KCNQ5: variants seen among roughly 807,000 people sequenced by gnomAD.
KCNQ5 encodes the protein potassium voltage-gated channel subfamily Q member 5, also known as potassium voltage-gated channel subfamily KQT member 5.
KCNQ5 carries 30 observed loss-of-function variants against 98.2 expected under a neutral mutation model. The ratio of observed to expected loss-of-function variants is 0.31; its 90% CI spans 0.23 to 0.41. The LOEUF (loss-of-function observed/expected upper bound fraction) is 0.41, where lower values mean the gene tolerates loss of function less well. KCNQ5 is among the 10% of genes least tolerant of loss of function. The probability of loss-of-function intolerance (pLI) is 1.00; values close to 1 mark genes in which losing one functional copy is unlikely to be tolerated. For synonymous variants in KCNQ5, 458 were observed against 449.4 expected, an observed-to-expected ratio of 1.02 and a Z score of -0.24; for missense variants, 835 against 1,182.5, an observed-to-expected ratio of 0.71 and a Z score of 4.31.
intron 2 of KCNQ5, among the ~76,000 whole-genome samples, chr6:73,018,872 A>G (rs571683436): frequency 1.3e-5 from 2 of 152,280 alleles, no homozygotes; most frequent in African/African-American, 2.4e-5. Flanking sequence ...ACATTGGCCT[A>G]TCTGAATGCA....
chr6:73,011,246 A>G (rs938910265), intron 2 of KCNQ5, among the ~76,000 whole-genome samples: 2 of 152,104 alleles, frequency 1.3e-5, no homozygotes, highest in Non-Finnish European at 2.9e-5. Context: ...ACACTGAACT[A>G]TAAAATGATT....
At chr6:72,704,637 T>TAAAAA (rs75954842) in intron 1 of KCNQ5, among the ~76,000 whole-genome samples, 2 of 150,164 alleles carry the variant, frequency 1.3e-5, no homozygotes, top group Non-Finnish European at 3.0e-5. Flanking sequence ...TTATAAATGA[T>TAAAAA]AAAAAAAAAA....
At chr6:72,965,826 T>C (rs1767581041) in intron 1 of KCNQ5, among the ~76,000 whole-genome samples, 3 of 152,214 alleles carry the variant, frequency 2.0e-5, no homozygotes, top group Admixed American at 6.5e-5. Context: ...TAAAACAGAA[T>C]GGCCCACTTT....
rs571091094 is a variant in KCNQ5, at chr6:72,870,510, G to A, written c.399-133398G>A. Among the ~76,000 whole-genome samples the A allele has an allele frequency of 4.1e-3, 621 of 152,158 alleles. 2 individuals are homozygous for A. Among genetic ancestry groups the A allele is most frequent in the African/African-American group, 0.014 (570 of 41,514 alleles). On this transcript the variant is annotated intron_variant, in intron 1 of 13. Transcript: ENST00000370398. ...AAATGATCGGCCTGCCTCAGCCTCT[G>A]AAAGTGCTGGAATTACAAGTGTGAG... is the stretch of plus-strand genomic sequence containing the variant.
chr6:73,150,432 G>C (rs903452654), intron 10 of KCNQ5, among the ~76,000 whole-genome samples: 12 of 146,476 alleles, frequency 8.2e-5, no homozygotes, highest in Non-Finnish European at 1.8e-4. Flanking sequence ...ACAACCCAGA[G>C]TAATATTAAT....
At chr6:72,845,614 T>C (rs1211262532) in intron 1 of KCNQ5, among the ~76,000 whole-genome samples, 5 of 152,178 alleles carry the variant, frequency 3.3e-5, no homozygotes. Flanking sequence ...AAAATAACAG[T>C]CATCTAGCTC....
chr6:72,720,154 TCA>T (rs941425281), intron 1 of KCNQ5, among the ~76,000 whole-genome samples: 33 of 152,314 alleles, frequency 2.2e-4, no homozygotes, highest in African/African-American at 7.7e-4. Context: ...TGCTTTTGAG[TCA>T]CAGTGTATCA....
chr6:72,660,573 C>T (rs543271628), intron 1 of KCNQ5, among the ~76,000 whole-genome samples: 3 of 152,262 alleles, frequency 2.0e-5, no homozygotes, highest in South Asian at 2.1e-4. Flanking sequence ...CCAAATATTT[C>T]TCTTGACATT....
intron 1 of KCNQ5, among the ~76,000 whole-genome samples, chr6:72,961,124 G>C (rs1767323668): frequency 6.6e-6 from 1 of 152,174 alleles, no homozygotes; most frequent in Non-Finnish European, 1.5e-5. Context: ...ATTCTAAATG[G>C]TTAATAATTT....
intron 1 of KCNQ5, among the ~76,000 whole-genome samples, chr6:72,874,266 A>T (rs2150165928): frequency 6.6e-6 from 1 of 152,206 alleles, no homozygotes; most frequent in South Asian, 2.1e-4. Context: ...CTAATTAGAT[A>T]AGCTAGACAT....
At chr6:72,855,690 G>C (rs1165595504) in intron 1 of KCNQ5, among the ~76,000 whole-genome samples, 1 of 152,162 alleles carries the variant, frequency 6.6e-6, no homozygotes, top group East Asian at 1.9e-4. Context: ...GAAACCAAGG[G>C]CTTGGAAGTA....
chr6:73,166,526 A>AT (rs398001962), intron 10 of KCNQ5, among the ~76,000 whole-genome samples: 2 of 75,214 alleles, frequency 2.7e-5, no homozygotes, highest in African/African-American at 1.8e-4. Flanking sequence ...AAAAAAAAAA[A>AT]CTCTTATTAC....
In KCNQ5 at chr6:73,133,474, G is replaced by C. The variant is rs776146341; in HGVS notation, c.1301G>C (p.Ser434Thr). 1.9e-6 allele frequency: 3 copies of C among 1,614,168 alleles called. No individual in the cohort carries two copies. Among genetic ancestry groups the C allele is most frequent in the South Asian group, 2.2e-5 (2 of 91,084 alleles). ...CGCATGGCTAGCCCCAGGGGCCAGA[G>C]TATTAAGAGCCGACAAGCCTCAGTA... is the stretch of plus-strand genomic sequence containing the variant. ...RVRMASPRGQ[S>T]IKSRQASVGD... Residue 434 changes from serine to threonine, a missense_variant, in exon 10 of 14, where the codon AGT becomes ACT. Coordinates refer to ENST00000370398, the MANE Select transcript of KCNQ5 (RefSeq NM_019842.4).
At chr6:72,862,703 T>C (rs1214115053) in intron 1 of KCNQ5, among the ~76,000 whole-genome samples, 2 of 151,926 alleles carry the variant, frequency 1.3e-5, no homozygotes, top group African/African-American at 4.8e-5. Flanking sequence ...TATTGGCTCA[T>C]TGCAGCCTCA....
intron 1 of KCNQ5, among the ~76,000 whole-genome samples, chr6:72,927,419 T>C (rs1161201406): frequency 2.0e-5 from 3 of 152,256 alleles, no homozygotes; most frequent in Non-Finnish European, 1.5e-5. Flanking sequence ...TATTTTGTGA[T>C]GAATTGTTTT....
intron 1 of KCNQ5, among the ~76,000 whole-genome samples, chr6:72,837,975 T>A (rs913624691): frequency 5.3e-5 from 8 of 152,118 alleles, no homozygotes; most frequent in African/African-American, 1.4e-4. Context: ...TATTATACTT[T>A]AAGTTTTAGG....
At chr6:72,728,906 G>A (rs1040865807) in intron 1 of KCNQ5, among the ~76,000 whole-genome samples, 6 of 152,052 alleles carry the variant, frequency 3.9e-5, no homozygotes, top group Non-Finnish European at 8.8e-5. Context: ...TGCCTAGGTA[G>A]CATATTTTAA....
chr6:72,890,282 CT>C (rs1175945698), intron 1 of KCNQ5, among the ~76,000 whole-genome samples: 1 of 148,238 alleles, frequency 6.7e-6, no homozygotes, highest in East Asian at 2.0e-4. Context: ...TTTTGTTTTG[CT>C]TTGTGATAAG....
chr6:72,639,519 C>A (rs1204125826), intron 1 of KCNQ5, among the ~76,000 whole-genome samples: 1 of 152,056 alleles, frequency 6.6e-6, no homozygotes, highest in Non-Finnish European at 1.5e-5. Flanking sequence ...CAAAAGGGAC[C>A]ATGCAGGGTG....
Sources: gnomAD v4.1 joint callset for allele counts (sites outside exome capture counted in the v4.1 genomes callset) on GRCh38, gnomAD v4.1.1 for gene constraint, MANE v1.5 for transcripts, NCBI Gene and HGNC (gene_info 2026-07-23, HGNC 2026-07-21) for gene names.